EYS: variants seen among roughly 807,000 people sequenced by gnomAD.
EYS encodes the protein EGF-like photoreceptor maintenance factor.
Under a neutral mutation model 282.1 loss-of-function variants are expected in EYS, and 250 were observed. That is an observed-to-expected ratio of 0.89 (90% CI 0.80 to 0.98). The LOEUF (loss-of-function observed/expected upper bound fraction) is 0.98, where lower values mean the gene tolerates loss of function less well. EYS is among the 50% of genes least tolerant of loss of function. The pLI, the probability that EYS is intolerant of heterozygous loss-of-function variation, is 0.00. For synonymous variants in EYS, 1,355 were observed against 1,282.9 expected, an observed-to-expected ratio of 1.06 and a Z score of -1.20; for missense variants, 4,016 against 3,709.0, an observed-to-expected ratio of 1.08 and a Z score of -2.15.
At chr6:65,137,149 C>G (rs1242370937) in intron 12 of EYS, among the ~76,000 whole-genome samples, 2 of 151,890 alleles carry the variant, frequency 1.3e-5, no homozygotes, top group Non-Finnish European at 2.9e-5. Context: ...ATAATCACCC[C>G]AATGTATAAG....
At position 65,678,144 on chromosome 6, in the gene EYS, G is replaced by C. The variant is rs531311097; in HGVS notation, c.-448+28991C>G. 6.2e-4 allele frequency among the ~76,000 whole-genome samples: 95 copies of C among 152,070 alleles called. 2 individuals carry two copies. Among genetic ancestry groups the C allele is most frequent in the African/African-American group, 2.2e-3 (93 of 41,530 alleles). ...CACATGATGAGAGCGTGAGCAAGGGGATGTGGGGTACCACGCTCTTTTAAA... is the reference window on the plus strand; with the variant it reads ...CACATGATGAGAGCGTGAGCAAGGGCATGTGGGGTACCACGCTCTTTTAAA... On this transcript the variant is annotated intron_variant, in intron 1 of 42. Transcript: ENST00000503581.
chr6:64,314,884 A>G (rs1769877591), intron 29 of EYS, among the ~76,000 whole-genome samples: 1 of 152,166 alleles, frequency 6.6e-6, no homozygotes, highest in Non-Finnish European at 1.5e-5. Flanking sequence ...AAGAGCAAAC[A>G]CGTTCAAAAG....
Position 63,721,647 on chromosome 6 carries a change from CCTT to C in EYS, c.8381_8383del (p.Glu2794del). 6.4e-7 allele frequency: 1 copy of C among 1,551,392 alleles called. No individual in the cohort carries two copies. Among genetic ancestry groups the C allele is most frequent in the Non-Finnish European group, 8.7e-7 (1 of 1,146,684 alleles). On this transcript the variant is annotated inframe_deletion, in exon 43 of 43. Coordinates refer to ENST00000503581, the MANE Select transcript of EYS (RefSeq NM_001142800.2). ...ATTTATCCCATCTAGATCCAGGTAG[CCTT>C]CTGCACCAACTCTTCCTGCTTTTAT...
At chr6:65,120,460 C>CAAAAAAAAAAAAAAAAAA (rs67505285) in intron 12 of EYS, among the ~76,000 whole-genome samples, 4 of 68,264 alleles carry the variant, frequency 5.9e-5, no homozygotes, top group East Asian at 5.6e-4. Context: ...TTTAAATAAG[C>CAAAAAAAAAAAAAAAAAA]AAAAAAAAAA....
chr6:63,822,204 C>T (rs1346296808), intron 36 of EYS: 2 of 152,236 alleles, frequency 1.3e-5, no homozygotes, highest in African/African-American at 2.4e-5. Context: ...ACCTCCTCTT[C>T]TCGAGTTCAA....
chr6:64,588,073 T>C (rs763758532), intron 26 of EYS, among the ~76,000 whole-genome samples: 2 of 152,014 alleles, frequency 1.3e-5, no homozygotes, highest in Non-Finnish European at 2.9e-5. Context: ...GTTGAGAAGT[T>C]AGAAATAAGT....
intron 22 of EYS, among the ~76,000 whole-genome samples, chr6:64,640,117 G>A (rs1768077086): frequency 6.8e-6 from 1 of 147,524 alleles, no homozygotes; most frequent in Admixed American, 6.9e-5. Context: ...TTACACTGTT[G>A]GTGGGACTGT....
chr6:65,334,058 C>T (rs554510077), intron 11 of EYS, among the ~76,000 whole-genome samples: 1 of 151,662 alleles, frequency 6.6e-6, no homozygotes, highest in East Asian at 1.9e-4. Context: ...AGAAAACAGC[C>T]AGTCTAAACG....
chr6:65,079,012 T>C (rs1247079775), intron 12 of EYS, among the ~76,000 whole-genome samples: 1 of 151,774 alleles, frequency 6.6e-6, no homozygotes, highest in Non-Finnish European at 1.5e-5. Flanking sequence ...CAGATGCCGG[T>C]ACCATGTTTT....
At chr6:64,073,471 A>G (rs1771661477) in intron 32 of EYS, among the ~76,000 whole-genome samples, 1 of 151,872 alleles carries the variant, frequency 6.6e-6, no homozygotes, top group Non-Finnish European at 1.5e-5. Flanking sequence ...AAACACATTC[A>G]GGAGGAACTC....
chr6:65,595,881 T>C (rs189981751), intron 2 of EYS, among the ~76,000 whole-genome samples: 4 of 152,168 alleles, frequency 2.6e-5, no homozygotes, highest in Admixed American at 1.3e-4. Flanking sequence ...TCAGAAATAA[T>C]GGGATATTAC....
chr6:64,522,213 AT>A (rs1248519956), intron 26 of EYS, among the ~76,000 whole-genome samples: 1 of 151,790 alleles, frequency 6.6e-6, no homozygotes, highest in Non-Finnish European at 1.5e-5. Flanking sequence ...TCAGTTGGTA[AT>A]GCTTATTATA....
At chr6:64,861,841 T>G (rs1362146248) in intron 19 of EYS, among the ~76,000 whole-genome samples, 1 of 152,228 alleles carries the variant, frequency 6.6e-6, no homozygotes, top group Non-Finnish European at 1.5e-5. Flanking sequence ...TATTTTGTTT[T>G]ACCTTCATTT....
intron 2 of EYS, among the ~76,000 whole-genome samples, chr6:65,571,328 G>A (rs916398923): frequency 6.6e-6 from 1 of 151,880 alleles, no homozygotes; most frequent in African/African-American, 2.4e-5. Flanking sequence ...TGAAAACCAA[G>A]GTGAACAAGA....
intron 31 of EYS, among the ~76,000 whole-genome samples, chr6:64,161,404 A>G (rs868267449): frequency 7.2e-5 from 11 of 152,226 alleles, no homozygotes; most frequent in Admixed American, 3.3e-4. Context: ...AGCTGCTGTC[A>G]TGAGGTAATA....
Position 64,873,611 on chromosome 6 carries a change from C to T in EYS, c.2992+13086G>A, listed in dbSNP as rs908976162. ...AGAATAGAGGAATATGTTGTAGTGA[C>T]TTATCACATTTTATGGGTGCCATAG... On this transcript the variant is annotated intron_variant, in intron 19 of 42. Transcript: ENST00000503581. Among the ~76,000 whole-genome samples, 3 of 151,966 alleles carry T rather than the reference C, an allele frequency of 2.0e-5. No homozygotes were observed. The East Asian group carries it at 5.8e-4, about 29-fold the overall frequency.
At chr6:65,106,716 GT>G (rs1196104880) in intron 12 of EYS, among the ~76,000 whole-genome samples, 2 of 151,912 alleles carry the variant, frequency 1.3e-5, no homozygotes, top group African/African-American at 4.8e-5. Context: ...TATGTTCACC[GT>G]TTTTAAGGTA....
intron 15 of EYS, among the ~76,000 whole-genome samples, chr6:64,935,245 A>G (rs1768869069): frequency 6.6e-6 from 1 of 151,758 alleles, no homozygotes; most frequent in African/African-American, 2.4e-5. Context: ...AGCAAAAGAG[A>G]AGAAGACATA....
intron 31 of EYS, among the ~76,000 whole-genome samples, chr6:64,092,562 G>A (rs1368511466): frequency 1.3e-5 from 2 of 152,178 alleles, no homozygotes; most frequent in African/African-American, 2.4e-5. Flanking sequence ...TTTGAGAAAT[G>A]TCTGTTCATA....
Sources: allele counts gnomAD v4.1 joint callset (sites outside exome capture counted in the v4.1 genomes callset), GRCh38; gene constraint gnomAD v4.1.1; transcripts MANE v1.5; gene names NCBI Gene and HGNC (gene_info 2026-07-23, HGNC 2026-07-21).